SIL1: variants seen among roughly 807,000 people sequenced by gnomAD.
SIL1 encodes nucleotide exchange factor SIL1.
SIL1 carries 40 observed loss-of-function variants against 49.1 expected under a neutral mutation model. That is an observed-to-expected ratio of 0.81 (90% CI 0.63 to 1.06). The LOEUF (loss-of-function observed/expected upper bound fraction) is 1.06, where lower values mean the gene tolerates loss of function less well. Ranked by LOEUF, SIL1 falls within the 50% of genes least tolerant of loss-of-function variation. The pLI, the probability that SIL1 is intolerant of heterozygous loss-of-function variation, is 0.00. For missense variants in SIL1, 500 were observed against 572.6 expected, an observed-to-expected ratio of 0.87 and a Z score of 1.29; for synonymous variants, 253 against 250.8, an observed-to-expected ratio of 1.01 and a Z score of -0.08.
chr5:139,046,792 A>G (rs971346410), intron 4 of SIL1, among the ~76,000 whole-genome samples: 21 of 152,198 alleles, frequency 1.4e-4, no homozygotes, highest in African/African-American at 5.1e-4. Context: ...AGTCTTTGAC[A>G]GGTTCCTGGG....
intron 7 of SIL1, among the ~76,000 whole-genome samples, chr5:138,985,158 G>A (rs767376439): frequency 2.0e-5 from 3 of 152,180 alleles, no homozygotes; most frequent in Non-Finnish European, 4.4e-5. Context: ...TCCATCCCTT[G>A]GGGATATTTT....
At chr5:139,104,389 T>C (rs1237332871) in intron 3 of SIL1, among the ~76,000 whole-genome samples, 1 of 152,226 alleles carries the variant, frequency 6.6e-6, no homozygotes, top group Non-Finnish European at 1.5e-5. Context: ...GGTCTCTCAC[T>C]GCCTCTGATT....
intron 7 of SIL1, among the ~76,000 whole-genome samples, chr5:139,007,370 T>G (rs1768144396): frequency 7.3e-6 from 1 of 136,796 alleles, no homozygotes; most frequent in Non-Finnish European, 1.5e-5. Flanking sequence ...GCTGAGACAA[T>G]GGGGTTTTCT....
chr5:139,117,882 G>A (rs1771030581), intron 3 of SIL1, among the ~76,000 whole-genome samples: 1 of 152,112 alleles, frequency 6.6e-6, no homozygotes, highest in Non-Finnish European at 1.5e-5. Context: ...ACGAAGTCAT[G>A]AGTTTGTCCC....
chr5:139,122,516 G>T (rs1196012365), intron 2 of SIL1, among the ~76,000 whole-genome samples: 1 of 151,886 alleles, frequency 6.6e-6, no homozygotes, highest in African/African-American at 2.4e-5. Context: ...GATCGTTAGA[G>T]CCCAGGAGGC....
intron 3 of SIL1, among the ~76,000 whole-genome samples, chr5:139,115,407 T>C (rs1770965654): frequency 6.6e-6 from 1 of 152,094 alleles, no homozygotes; most frequent in Non-Finnish European, 1.5e-5. Context: ...AGGTTCTAAA[T>C]AGCTTCAGGA....
intron 1 of SIL1, among the ~76,000 whole-genome samples, chr5:139,147,981 A>T (rs985082621): frequency 6.6e-6 from 1 of 152,098 alleles, no homozygotes; most frequent in Non-Finnish European, 1.5e-5. Flanking sequence ...TTTCTTCTAG[A>T]GTCTCCTAAT....
chr5:139,162,211 C>A (rs1751527178), intron 1 of SIL1, among the ~76,000 whole-genome samples: 1 of 152,210 alleles, frequency 6.6e-6, no homozygotes. Flanking sequence ...CTCCATGTCT[C>A]ACCCTGCCAC....
chr5:139,001,000 A>C (rs1312707193), intron 7 of SIL1, among the ~76,000 whole-genome samples: 1 of 152,052 alleles, frequency 6.6e-6, no homozygotes, highest in Non-Finnish European at 1.5e-5. Flanking sequence ...GGCTGTATTG[A>C]AAACACACAA....
intron 1 of SIL1, among the ~76,000 whole-genome samples, chr5:139,192,117 T>C (rs1419287979): frequency 7.0e-6 from 1 of 142,936 alleles, no homozygotes; most frequent in Non-Finnish European, 1.5e-5. Context: ...GAGTGAGGCA[T>C]GGTGGTACAT....
Position 139,056,817 on chromosome 5 carries a change from T to C in SIL1, c.245-5771A>G, listed in dbSNP as rs543782328. 3.9e-5 allele frequency among the ~76,000 whole-genome samples: 6 copies of C among 151,900 alleles called. No homozygotes were observed. In the South Asian group the frequency reaches 6.2e-4, roughly 16 times the overall value. ...CGGCCACCACCCCGTCTGGGAGGTG[T>C]ACCCAACAGCTCATTGAGAACGGGC... On this transcript the variant is annotated intron_variant, in intron 3 of 9. Coordinates refer to ENST00000394817, the MANE Select transcript of SIL1 (RefSeq NM_022464.5).
chr5:139,129,967 C>T (rs1398254244), intron 1 of SIL1, among the ~76,000 whole-genome samples: 1 of 152,124 alleles, frequency 6.6e-6, no homozygotes, highest in Non-Finnish European at 1.5e-5. Context: ...TTGTAAATCA[C>T]ATCTCTGTTA....
rs58150980 is a variant in SIL1 at position 139,197,120 on chromosome 5, T to C, written c.-11+1149A>G. Among the ~76,000 whole-genome samples the C allele has an allele frequency of 1.4e-3, 218 of 151,924 alleles. 4 individuals carry two copies. The East Asian group carries it at 0.042, about 29-fold the overall frequency. ...CCTGTCTCTATTAAAAATAGAAAAT[T>C]AGCCGGGCACGATGGCGCATGCCTG... On this transcript the variant is annotated intron_variant, in intron 1 of 9. Transcript: ENST00000394817.
chr5:139,137,323 A>G (rs1561876366), intron 1 of SIL1: 1 of 702,534 alleles, frequency 1.4e-6, no homozygotes, highest in East Asian at 2.7e-5. Flanking sequence ...AGAGAGGTTA[A>G]GTAACGTGCC....
intron 1 of SIL1, among the ~76,000 whole-genome samples, chr5:139,196,766 G>A (rs894383944): frequency 3.9e-5 from 6 of 152,140 alleles, no homozygotes; most frequent in African/African-American, 7.2e-5. Flanking sequence ...TTAAAAACCC[G>A]AGAGCCATGT....
Position 138,947,974 on chromosome 5 carries a change from C to T in SIL1, c.1030-501G>A, listed in dbSNP as rs993929324. Among the ~76,000 whole-genome samples the T allele has an allele frequency of 6.6e-6, 1 of 152,078 alleles. No individual in the cohort carries two copies. Among genetic ancestry groups the T allele is most frequent in the African/African-American group, 2.4e-5 (1 of 41,406 alleles). On this transcript the variant is annotated intron_variant, in intron 9 of 9. Transcript: ENST00000394817. This position sits in a 1 kb window ranked among gnomAD's most constrained non-coding sequence, Gnocchi z 4.1. ...AGAACATGGTGGGAGCCAATCCTGCCGGGCTACCAGCAGCGGGAAAGCCAA... is the reference window on the plus strand; with the variant it reads ...AGAACATGGTGGGAGCCAATCCTGCTGGGCTACCAGCAGCGGGAAAGCCAA...
chr5:139,043,094 G>A (rs1227574460), intron 4 of SIL1, among the ~76,000 whole-genome samples: 1 of 152,194 alleles, frequency 6.6e-6, no homozygotes, highest in Non-Finnish European at 1.5e-5. Flanking sequence ...CCAGCTGAGT[G>A]TACTATCATA....
rs547755826 is a variant in SIL1 at position 139,155,667 on chromosome 5, GGA to G, written c.-10-27816_-10-27815del. On this transcript the variant is annotated intron_variant, in intron 1 of 9. Coordinates refer to ENST00000394817, the MANE Select transcript of SIL1 (RefSeq NM_022464.5). ...ATTCAGTCATTAATACCCCCTAAAG[GGA>G]GAGACCTGTTCCCCCAAAGACCAGC... 3.0e-3 allele frequency among the ~76,000 whole-genome samples: 451 copies of G among 152,166 alleles called. 2 individuals are homozygous for G. The highest frequency in any genetic ancestry group is 0.01 in the African/African-American group (425 of 41,524).
intron 1 of SIL1, among the ~76,000 whole-genome samples, chr5:139,174,937 C>CAAAAAAAAAAAAAAAAA (rs56959325): frequency 5.0e-5 from 3 of 59,848 alleles, no homozygotes; most frequent in East Asian, 6.2e-4. Context: ...GACTGTGTCT[C>CAAAAAAAAAAAAAAAAA]AAAAAAAAAA....
Sources: gnomAD v4.1 joint callset for allele counts (sites outside exome capture counted in the v4.1 genomes callset) on GRCh38, gnomAD v4.1.1 for gene constraint, Gnocchi (gnomAD v3.1) non-coding constraint, MANE v1.5 for transcripts, NCBI Gene and HGNC (gene_info 2026-07-23, HGNC 2026-07-21) for gene names.